Variants in MYO1D observed in about 807,000 individuals in gnomAD.
MYO1D encodes myosin ID, also known as unconventional myosin-Id.
In MYO1D, 83 loss-of-function variants were observed where a neutral mutation model predicts 122.0. The observed-to-expected ratio is 0.68, with a 90% CI of 0.57 to 0.82. The LOEUF is 0.82. Ranked by LOEUF, MYO1D falls within the 40% of genes least tolerant of loss-of-function variation. The probability of loss-of-function intolerance (pLI) is 0.00; values close to 1 mark genes in which losing one functional copy is unlikely to be tolerated. For missense variants in MYO1D, 1,157 were observed against 1,269.5 expected, an observed-to-expected ratio of 0.91 and a Z score of 1.35; for synonymous variants, 464 against 446.9, an observed-to-expected ratio of 1.04 and a Z score of -0.48.
chr17:32,653,454 A>C (rs1407536093), intron 19 of MYO1D, among the ~76,000 whole-genome samples: 1 of 151,906 alleles, frequency 6.6e-6, no homozygotes, highest in Admixed American at 6.6e-5. Flanking sequence ...TAAAAATATA[A>C]AGTTAGCTAG....
rs6146033 is a variant in MYO1D at position 32,874,304 on chromosome 17, C to CTCTCTCTCTCTGTGTGTCTCTG, written c.95+2473_95+2474insCAGAGACACACAGAGAGAGAGA. 6.0e-5 allele frequency among the ~76,000 whole-genome samples: 9 copies of CTCTCTCTCTCTGTGTGTCTCTG among 149,280 alleles called. No individual in the cohort carries two copies. The South Asian group carries it at 6.4e-4, about 11-fold the overall frequency. On this transcript the variant is annotated intron_variant, in intron 1 of 21. Transcript: ENST00000318217. ...CCTTCCTCTTTATCTGTCTCTGTCT[C>CTCTCTCTCTCTGTGTGTCTCTG]TCTCTCTCTCTTTGTGTCTCTGTCT...
At chr17:32,833,667 G>A (rs1471331366) in intron 1 of MYO1D, among the ~76,000 whole-genome samples, 2 of 152,026 alleles carry the variant, frequency 1.3e-5, no homozygotes, top group East Asian at 3.9e-4. Flanking sequence ...AGCTCTGACC[G>A]GATCTCCTTC....
intron 20 of MYO1D, among the ~76,000 whole-genome samples, chr17:32,624,872 C>T (rs1220104342): frequency 2.6e-5 from 4 of 151,606 alleles, no homozygotes; most frequent in Non-Finnish European, 5.9e-5. Context: ...CTCACTGCAA[C>T]CTCCGCCTCC....
chr17:32,643,178 A>G (rs938801026), intron 19 of MYO1D, among the ~76,000 whole-genome samples: 1 of 151,780 alleles, frequency 6.6e-6, no homozygotes, highest in African/African-American at 2.4e-5. Flanking sequence ...CTATTGAGAT[A>G]ATCATGTGTT....
chr17:32,674,352 T>G (rs960962682), intron 16 of MYO1D, among the ~76,000 whole-genome samples: 2 of 152,276 alleles, frequency 1.3e-5, no homozygotes, highest in Admixed American at 6.5e-5. Context: ...GAGTAAACAT[T>G]TTAAAATGTT....
intron 21 of MYO1D, among the ~76,000 whole-genome samples, chr17:32,549,173 ATC>A (rs2086990087): frequency 6.6e-6 from 1 of 152,086 alleles, no homozygotes; most frequent in Admixed American, 6.5e-5. Flanking sequence ...GCTCACTGCA[ATC>A]TCTGTCTCTT....
At chr17:32,801,618 A>AC (rs1328629526) in intron 1 of MYO1D, among the ~76,000 whole-genome samples, 2 of 152,226 alleles carry the variant, frequency 1.3e-5, no homozygotes, top group Non-Finnish European at 1.5e-5. Flanking sequence ...GTTAAAATAA[A>AC]CCCCATGGTG....
intron 21 of MYO1D, among the ~76,000 whole-genome samples, chr17:32,563,204 C>CT (rs749819200): frequency 0.046 from 4,857 of 104,722 alleles, 561 homozygotes; most frequent in African/African-American, 0.13. Flanking sequence ...TTTTTCTTCT[C>CT]TCTTTTTTTT....
chr17:32,617,661 G>C (rs1253360407), intron 20 of MYO1D, among the ~76,000 whole-genome samples: 1 of 152,064 alleles, frequency 6.6e-6, no homozygotes, highest in Non-Finnish European at 1.5e-5. Flanking sequence ...GGCTGGTCTC[G>C]AACTCTTAGC....
intron 17 of MYO1D, among the ~76,000 whole-genome samples, chr17:32,656,797 G>A (rs1416800472): frequency 1.3e-5 from 2 of 152,196 alleles, no homozygotes; most frequent in Admixed American, 6.5e-5. Flanking sequence ...AATACTCAGT[G>A]GCTTCCTAAG....
chr17:32,664,778 C>A (rs2088614913), intron 16 of MYO1D, among the ~76,000 whole-genome samples: 1 of 152,186 alleles, frequency 6.6e-6, no homozygotes, highest in Non-Finnish European at 1.5e-5. Context: ...TTGCACACAT[C>A]CTTGCAACTG....
intron 21 of MYO1D, among the ~76,000 whole-genome samples, chr17:32,506,984 A>C (rs1297429950): frequency 6.6e-6 from 1 of 152,354 alleles, no homozygotes; most frequent in Admixed American, 6.5e-5. Flanking sequence ...CTGTCTCAGG[A>C]AAATTAAAAA....
intron 17 of MYO1D, among the ~76,000 whole-genome samples, chr17:32,656,972 C>T (rs1334515713): frequency 6.6e-6 from 1 of 152,184 alleles, no homozygotes; most frequent in Admixed American, 6.5e-5. Context: ...ACTCCAAAGG[C>T]CACAGAAGCA....
chr17:32,824,142 C>A (rs2090701112), intron 1 of MYO1D, among the ~76,000 whole-genome samples: 1 of 150,776 alleles, frequency 6.6e-6, no homozygotes. Context: ...CCAAACATAT[C>A]TGTCATGTCA....
intron 16 of MYO1D, among the ~76,000 whole-genome samples, chr17:32,709,178 T>G (rs1213090715): frequency 6.6e-6 from 1 of 152,078 alleles, no homozygotes; most frequent in African/African-American, 2.4e-5. Flanking sequence ...GGTAGAGTGA[T>G]TATGTAGTTT....
intron 21 of MYO1D, among the ~76,000 whole-genome samples, chr17:32,536,029 TTTG>T (rs1227629754): frequency 3.3e-5 from 5 of 150,486 alleles, no homozygotes; most frequent in African/African-American, 4.9e-5. Flanking sequence ...GACTCTTTTT[TTTG>T]TTTTTTGTTT....
At chr17:32,539,432 C>T (rs1165484269) in intron 21 of MYO1D, among the ~76,000 whole-genome samples, 5 of 152,046 alleles carry the variant, frequency 3.3e-5, no homozygotes, top group Non-Finnish European at 5.9e-5. Flanking sequence ...ATAAACTTAG[C>T]GGCTTAAAAC....
intron 20 of MYO1D, among the ~76,000 whole-genome samples, 182 bp from the exon 21 acceptor site, chr17:32,605,423 C>T (rs572023810): frequency 2.3e-3 from 353 of 152,040 alleles, no homozygotes; most frequent in Non-Finnish European, 3.3e-3. Context: ...AACGAGACAC[C>T]ATCCCTAAAA....
At chr17:32,639,274 G>C (rs1399419511) in intron 19 of MYO1D, among the ~76,000 whole-genome samples, 1 of 149,368 alleles carries the variant, frequency 6.7e-6, no homozygotes, top group East Asian at 2.0e-4. Context: ...TGGTATATAG[G>C]GATAAGACAA....
Sources: gnomAD v4.1 joint callset for allele counts (sites outside exome capture counted in the v4.1 genomes callset) on GRCh38, gnomAD v4.1.1 for gene constraint, MANE v1.5 for transcripts, NCBI Gene and HGNC (gene_info 2026-07-23, HGNC 2026-07-21) for gene names.